PIK3C3: variants seen among roughly 807,000 people sequenced by gnomAD.
The protein encoded by PIK3C3 is PI3-kinase type 3.
PIK3C3 carries 95 observed loss-of-function variants against 126.1 expected under a neutral mutation model. That is an observed-to-expected ratio of 0.75 (90% CI 0.64 to 0.89). The LOEUF (loss-of-function observed/expected upper bound fraction) is 0.89, where lower values mean the gene tolerates loss of function less well. Ranked by LOEUF, PIK3C3 falls within the 40% of genes least tolerant of loss-of-function variation. PIK3C3 has a pLI of 0.00. For synonymous variants in PIK3C3, 374 were observed against 360.0 expected (o/e 1.04, Z -0.44); for missense variants, 829 against 1,063.2 (o/e 0.78, Z 3.06).
Position 42,054,188 on chromosome 18 carries a change from ATAT to A in PIK3C3, c.2264-3694_2264-3692del, listed in dbSNP as rs1984955152. Among the ~76,000 whole-genome samples the A allele has an allele frequency of 5.2e-5, 5 of 96,616 alleles. No homozygotes were observed. The South Asian group carries it at 1.3e-3, about 25-fold the overall frequency. The allele number at this position is 96,616 out of a possible 152,430, so 63.4% of individuals were successfully genotyped here. ...TATATATATATATATATATATATAT[ATAT>A]AAAGGGGAATTTATTAAGTATTAAC... On this transcript the variant is annotated intron_variant, in intron 21 of 24. Transcript: ENST00000262039.
At chr18:42,034,625 C>T (rs1983967319) in intron 16 of PIK3C3, among the ~76,000 whole-genome samples, 1 of 152,104 alleles carries the variant, frequency 6.6e-6, no homozygotes, top group African/African-American at 2.4e-5. Context: ...ATTGACTGGC[C>T]ACCAGTTCAG....
intron 23 of PIK3C3, among the ~76,000 whole-genome samples, chr18:42,066,492 G>A (rs1985544111): frequency 6.6e-6 from 1 of 152,174 alleles, no homozygotes; most frequent in Admixed American, 6.5e-5. Context: ...TAATGGTTGT[G>A]TGTGGTGGCG....
intron 15 of PIK3C3, among the ~76,000 whole-genome samples, chr18:42,031,743 A>G (rs1983839675): frequency 6.6e-6 from 1 of 152,216 alleles, no homozygotes; most frequent in South Asian, 2.1e-4. Context: ...TTTAAAATAA[A>G]TTAACACTTT....
chr18:41,975,311 G>T lies in PIK3C3; in HGVS notation c.531+4855G>T, dbSNP rs1039421759. Among the ~76,000 whole-genome samples the T allele has an allele frequency of 4.6e-5, 7 of 152,174 alleles. No individual in the cohort carries two copies. In the South Asian group the frequency reaches 1.4e-3, roughly 32 times the overall value. On this transcript the variant is annotated intron_variant, in intron 4 of 24. Transcript: ENST00000262039. Reference sequence around the variant, plus strand: ...GTGTCTAATATCAGAGCCACAAGTCGCATGTAGCAATTTAGATTTAGGTTA... The same window carrying T: ...GTGTCTAATATCAGAGCCACAAGTCTCATGTAGCAATTTAGATTTAGGTTA...
chr18:41,978,535 A>G (rs760866777), intron 4 of PIK3C3, among the ~76,000 whole-genome samples: 13 of 152,204 alleles, frequency 8.5e-5, no homozygotes, highest in Non-Finnish European at 1.8e-4. Flanking sequence ...GGCATGGACT[A>G]AAGAAGGTCT....
At chr18:41,968,965 T>C (rs530029273) in intron 3 of PIK3C3, among the ~76,000 whole-genome samples, 2 of 151,984 alleles carry the variant, frequency 1.3e-5, no homozygotes, top group East Asian at 3.9e-4. Flanking sequence ...CATATGCCAC[T>C]GTACCCACCT....
rs16960209 is a variant in PIK3C3 at position 42,003,842 on chromosome 18, C to T, written c.985-514C>T. On this transcript the variant is annotated intron_variant, in intron 9 of 24. Transcript: ENST00000262039. ...GTTACTTCACAGAGATACGTACATA[C>T]TCCACATCGTTTGAGTCTTCATGTT... is the stretch of plus-strand genomic sequence containing the variant. 9.0e-3 allele frequency among the ~76,000 whole-genome samples: 1,366 copies of T among 152,282 alleles called. 18 individuals are homozygous for T. The highest frequency in any genetic ancestry group is 0.032 in the African/African-American group (1,312 of 41,564).
intron 20 of PIK3C3, among the ~76,000 whole-genome samples, chr18:42,048,707 T>C (rs904276591): frequency 6.6e-6 from 1 of 152,214 alleles, no homozygotes; most frequent in East Asian, 1.9e-4. Context: ...AAATGAACTT[T>C]ATTATTTATT....
At chr18:42,003,280 G>C (rs1982378907) in intron 9 of PIK3C3, among the ~76,000 whole-genome samples, 1 of 152,184 alleles carries the variant, frequency 6.6e-6, no homozygotes, top group South Asian at 2.1e-4. Context: ...TGGTTGGGCA[G>C]AGCAGGGGTC....
At chr18:42,010,729 C>T (rs543678762) in intron 10 of PIK3C3, among the ~76,000 whole-genome samples, 3 of 152,242 alleles carry the variant, frequency 2.0e-5, no homozygotes, top group South Asian at 2.1e-4. Context: ...CTATTTTGAC[C>T]TTCCCCCATG....
chr18:42,032,747 G>A (rs1983887929), intron 15 of PIK3C3, among the ~76,000 whole-genome samples: 1 of 151,748 alleles, frequency 6.6e-6, no homozygotes, highest in Admixed American at 6.6e-5. Context: ...CACATTAGTA[G>A]ATCTGACCAT....
intron 3 of PIK3C3, among the ~76,000 whole-genome samples, chr18:41,969,030 G>C (rs774965547): frequency 2.6e-5 from 4 of 151,552 alleles, no homozygotes; most frequent in Non-Finnish European, 5.9e-5. Flanking sequence ...TGTTGCCCAG[G>C]CTAGTCTCAA....
intron 10 of PIK3C3, among the ~76,000 whole-genome samples, chr18:42,009,668 T>C (rs188329305): frequency 7.5e-5 from 11 of 146,248 alleles, no homozygotes; most frequent in Admixed American, 6.8e-4. Flanking sequence ...ATGTACATTA[T>C]GTAATGCTTA....
intron 20 of PIK3C3, among the ~76,000 whole-genome samples, chr18:42,044,451 C>T (rs368500695): frequency 2.0e-5 from 3 of 151,502 alleles, no homozygotes; most frequent in Non-Finnish European, 2.9e-5. Flanking sequence ...CTCTGTCACC[C>T]GGGCTGGCTG....
intron 19 of PIK3C3, among the ~76,000 whole-genome samples, chr18:42,041,083 G>A (rs1047237675): frequency 6.6e-6 from 1 of 152,030 alleles, no homozygotes; most frequent in Non-Finnish European, 1.5e-5. Flanking sequence ...TTGGGAGGCT[G>A]AGCCAGGAGA....
intron 5 of PIK3C3, among the ~76,000 whole-genome samples, chr18:41,990,212 G>A (rs561935898): frequency 6.6e-5 from 10 of 152,238 alleles, no homozygotes; most frequent in Non-Finnish European, 1.2e-4. Context: ...AACCAAAAAT[G>A]TTAAATTTGA....
chr18:41,995,943 A>G lies in PIK3C3; in HGVS notation c.840A>G (p.Gly280=). Residue 280 remains glycine, a synonymous_variant, in exon 8 of 25, where the codon GGA becomes GGG. Coordinates refer to ENST00000262039, the MANE Select transcript of PIK3C3 (RefSeq NM_002647.4). ...HHKLARSLRS[G]PSDHDLKPNA... ...AGCTTGCCCGGAGTTTAAGAAGTGG[A>G]CCTTCTGACCACGATCTGAAACCCA... is the stretch of plus-strand genomic sequence containing the variant. The G allele has an allele frequency of 1.2e-6, 2 of 1,613,184 alleles. No individual in the cohort carries two copies. Among genetic ancestry groups the G allele is most frequent in the Non-Finnish European group, 1.7e-6 (2 of 1,179,318 alleles).
At chr18:41,991,115 A>C (rs1489371808) in intron 6 of PIK3C3, among the ~76,000 whole-genome samples, 1 of 152,206 alleles carries the variant, frequency 6.6e-6, no homozygotes. Context: ...TATGCTACAG[A>C]AAGTAGTTCT....
chr18:41,962,840 C>T (rs765781360), intron 3 of PIK3C3, among the ~76,000 whole-genome samples: 4 of 152,102 alleles, frequency 2.6e-5, no homozygotes, highest in Non-Finnish European at 4.4e-5. Flanking sequence ...TTATATTGCT[C>T]TTCTGTTGGT....
Sources: allele counts gnomAD v4.1 joint callset (sites outside exome capture counted in the v4.1 genomes callset), GRCh38; gene constraint gnomAD v4.1.1; transcripts MANE v1.5; gene names NCBI Gene and HGNC (gene_info 2026-07-23, HGNC 2026-07-21).